HAO1: variants seen among roughly 807,000 people sequenced by gnomAD.
HAO1 encodes the protein hydroxyacid oxidase 1, also known as 2-Hydroxyacid oxidase 1.
HAO1 carries 34 observed loss-of-function variants against 39.7 expected under a neutral mutation model. The observed-to-expected ratio is 0.86, with a 90% CI of 0.65 to 1.14. The LOEUF is 1.14. HAO1 is among the 50% of genes most tolerant of loss of function. The pLI is 0.00. For missense variants in HAO1, 479 were observed against 464.5 expected (o/e 1.03, Z -0.29); for synonymous variants, 172 against 173.2 (o/e 0.99, Z 0.05).
In HAO1 at chr20:7,895,243, G is replaced by A; in HGVS notation, c.722-19C>T. ...TCATCACCTGGAGAGAGTAAAACAA[G>A]CACCTTAGGGAAACTGTAACTTAAC... is the stretch of plus-strand genomic sequence containing the variant. On this transcript the variant is annotated intron_variant, in intron 4 of 7. Coordinates refer to ENST00000378789, the MANE Select transcript of HAO1 (RefSeq NM_017545.3). 1 of 1,504,200 alleles carries A rather than the reference G, an allele frequency of 6.6e-7. No homozygotes were observed. The highest frequency in any genetic ancestry group is 9.3e-7 in the Non-Finnish European group (1 of 1,079,690). 93.2% of individuals were successfully genotyped at this position (1,504,200 alleles called of 1,614,324 possible).
intron 1 of HAO1, among the ~76,000 whole-genome samples, chr20:7,936,653 A>C (rs753966991): frequency 6.6e-6 from 1 of 151,874 alleles, no homozygotes; most frequent in Non-Finnish European, 1.5e-5. Context: ...GTGGCTTTAC[A>C]CTTGTCCACT....
intron 2 of HAO1, among the ~76,000 whole-genome samples, chr20:7,933,152 G>T (rs569950524): frequency 7.2e-5 from 11 of 151,782 alleles, no homozygotes; most frequent in Non-Finnish European, 1.2e-4. Context: ...TATATCTTTT[G>T]TTCACTTATT....
intron 5 of HAO1, among the ~76,000 whole-genome samples, chr20:7,887,571 C>T (rs6055364): frequency 0.15 from 23,440 of 152,118 alleles, 5,449 homozygotes; most frequent in African/African-American, 0.5. Context: ...CTATACATAG[C>T]CCTCTTTTTG....
Position 7,885,744 on chromosome 20 carries a change from A to G in HAO1, c.934T>C (p.Phe312Leu). The G allele has an allele frequency of 6.2e-7, 1 of 1,613,766 alleles. No individual in the cohort carries two copies. The highest frequency in any genetic ancestry group is 8.5e-7 in the Non-Finnish European group (1 of 1,179,746). Residue 312 changes from phenylalanine to leucine, a missense_variant, in exon 6 of 8, where the codon TTT (phenylalanine) becomes CTT (leucine). Transcript: ENST00000378789. ...KALALGAKAV[F>L]VGRPIVWGLA... ...CCCCAAACGATTGGTCTCCCCACAA[A>G]CACAGCCTTGGCGCCAAGAGCCAGA...
At position 7,914,431 on chromosome 20, in the gene HAO1, A is replaced by G. The variant is rs1014797802; in HGVS notation, c.290-12T>C. ...CAGGGACTGACAGGCTGAGAAAGAAAGGGGATGATCAAGATGGGCCTGGCA... is the reference window on the plus strand; with the variant it reads ...CAGGGACTGACAGGCTGAGAAAGAAGGGGGATGATCAAGATGGGCCTGGCA... On this transcript the variant is annotated splice_polypyrimidine_tract_variant and intron_variant, in intron 2 of 7. Transcript: ENST00000378789. The G allele has an allele frequency of 2.8e-5, 45 of 1,611,700 alleles. No individual in the cohort carries two copies. Among genetic ancestry groups the G allele is most frequent in the Middle Eastern group, 1.8e-4 (1 of 5,520 alleles).
Position 7,891,081 on chromosome 20 carries a change from T to A in HAO1, c.813+4052A>T, listed in dbSNP as rs141573631. 1.4e-3 allele frequency among the ~76,000 whole-genome samples: 213 copies of A among 152,294 alleles called. 1 individual carries two copies. The East Asian group carries it at 0.037, about 26-fold the overall frequency. On this transcript the variant is annotated intron_variant, in intron 5 of 7. Transcript: ENST00000378789. ...GATAGCCAGTAGTGGGACTGCTGGA[T>A]CAAATGGTAGTTCTACTTTCAGTTC... is the stretch of plus-strand genomic sequence containing the variant.
chr20:7,929,950 G>A lies in HAO1; in HGVS notation c.289+4534C>T, dbSNP rs74355081. Among the ~76,000 whole-genome samples, 20 of 152,284 alleles carry A rather than the reference G, an allele frequency of 1.3e-4. No individual in the cohort carries two copies. In the East Asian group the frequency reaches 3.7e-3, roughly 28 times the overall value. Reference sequence around the variant, plus strand: ...ACAGTTGTGAGAGGAAGGGCAGAAAGGCCCTTGAAGTTGGACTCTGAATAA... The same window carrying A: ...ACAGTTGTGAGAGGAAGGGCAGAAAAGCCCTTGAAGTTGGACTCTGAATAA... On this transcript the variant is annotated intron_variant, in intron 2 of 7. Transcript: ENST00000378789.
At chr20:7,940,237 G>C in intron 1 of HAO1, 49 bp downstream of exon 1, 1 of 1,445,980 alleles carries the variant, frequency 6.9e-7, no homozygotes, top group Non-Finnish European at 9.5e-7. Flanking sequence ...ATTTTGGTAC[G>C]GTCTTTGTGT....
chr20:7,921,054 A>G (rs2050329052), intron 2 of HAO1, among the ~76,000 whole-genome samples: 1 of 139,662 alleles, frequency 7.2e-6, no homozygotes. Flanking sequence ...ATGAGTGCTA[A>G]TATCCAAAAA....
chr20:7,914,446 T>G (rs1448918620), intron 2 of HAO1, 27 bp from the exon 3 acceptor site: 7 of 1,608,790 alleles, frequency 4.4e-6, no homozygotes, highest in Non-Finnish European at 5.9e-6. Flanking sequence ...ATGATCAAGA[T>G]GGGCCTGGCA....
intron 5 of HAO1, among the ~76,000 whole-genome samples, chr20:7,887,235 A>G (rs2050155056): frequency 6.6e-6 from 1 of 152,190 alleles, no homozygotes; most frequent in African/African-American, 2.4e-5. Context: ...AATCACCCAC[A>G]TTCATCCCAA....
chr20:7,897,579 A>G lies in HAO1; in HGVS notation c.722-2355T>C, dbSNP rs147143535. Among the ~76,000 whole-genome samples, 95 of 152,022 alleles carry G rather than the reference A, an allele frequency of 6.2e-4. 1 individual carries two copies. The highest frequency in any genetic ancestry group is 1.8e-3 in the Admixed American group (27 of 15,262). On this transcript the variant is annotated intron_variant, in intron 4 of 7. Coordinates refer to ENST00000378789, the MANE Select transcript of HAO1 (RefSeq NM_017545.3). ...TTAATCTTTGAGAGCTCTTTTTTAT[A>G]TTCGACTTCCCCTTTTTTAAAAAAA...
intron 2 of HAO1, among the ~76,000 whole-genome samples, chr20:7,933,334 A>T (rs4140560): frequency 1.3e-5 from 2 of 151,724 alleles, no homozygotes; most frequent in Non-Finnish European, 2.9e-5. Flanking sequence ...TAGTTTTTTG[A>T]TGTTCATTTG....
intron 4 of HAO1, among the ~76,000 whole-genome samples, chr20:7,899,231 G>A (rs1157590738): frequency 6.6e-6 from 1 of 152,028 alleles, no homozygotes; most frequent in African/African-American, 2.4e-5. Context: ...GTGCATCATT[G>A]TCCTAAGCCA....
At chr20:7,927,552 C>G (rs2050365283) in intron 2 of HAO1, among the ~76,000 whole-genome samples, 1 of 151,448 alleles carries the variant, frequency 6.6e-6, no homozygotes, top group South Asian at 2.2e-4. Context: ...AAACTGCCCT[C>G]CATTCAGTAT....
At chr20:7,890,473 C>T (rs562309380) in intron 5 of HAO1, among the ~76,000 whole-genome samples, 1 of 152,282 alleles carries the variant, frequency 6.6e-6, no homozygotes, top group Non-Finnish European at 1.5e-5. Context: ...CTTGGCCTCC[C>T]AAAGTGCTGG....
At chr20:7,924,461 T>C (rs1223907001) in intron 2 of HAO1, among the ~76,000 whole-genome samples, 1 of 152,158 alleles carries the variant, frequency 6.6e-6, no homozygotes, top group Non-Finnish European at 1.5e-5. Flanking sequence ...AACTGAAGTT[T>C]ATCATGCTGG....
At position 7,940,369 on chromosome 20, in the gene HAO1, T is replaced by A. The variant is rs1259713881; in HGVS notation, c.54A>T (p.Val18=). 3 of 1,612,520 alleles carry A rather than the reference T, an allele frequency of 1.9e-6. No homozygotes were observed. Among genetic ancestry groups the A allele is most frequent in the Non-Finnish European group, 2.5e-6 (3 of 1,178,948 alleles). Residue 18 remains valine, a synonymous_variant, in exon 1 of 8, where the codon GTA becomes GTT. Transcript: ENST00000378789. ...INDYEQHAKS[V]LPKSIYDYYR... ...AATAGTCATATATAGACTTTGGAAG[T>A]ACTGATTTAGCATGTTGTTCATAAT...
chr20:7,921,000 A>G (rs1600117203), intron 2 of HAO1, among the ~76,000 whole-genome samples: 1 of 152,122 alleles, frequency 6.6e-6, no homozygotes, highest in Non-Finnish European at 1.5e-5. Context: ...GAATCAAGAG[A>G]CAACACAGGT....
Sources: gnomAD v4.1 joint callset for allele counts (sites outside exome capture counted in the v4.1 genomes callset) on GRCh38, gnomAD v4.1.1 for gene constraint, MANE v1.5 for transcripts, NCBI Gene and HGNC (gene_info 2026-07-23, HGNC 2026-07-21) for gene names.